The following CACNA1B variants were observed in gnomAD, a reference collection of about 807,000 sequenced individuals.
The protein encoded by CACNA1B is calcium voltage-gated channel subunit alpha1 B.
Under a neutral mutation model 247.2 loss-of-function variants are expected in CACNA1B, and 70 were observed. The observed-to-expected ratio is 0.28, with a 90% CI of 0.23 to 0.35. The LOEUF is 0.35. Among genes scored for constraint, CACNA1B ranks in the 10% least tolerant of loss-of-function variants. The pLI is 1.00. For missense variants in CACNA1B, 2,367 were observed against 3,197.4 expected (o/e 0.74, Z 6.26); for synonymous variants, 1,231 against 1,294.4 (o/e 0.95, Z 1.05).
Position 137,943,050 on chromosome 9 carries a change from C to CTT in CACNA1B, c.967-9208_967-9207dup, listed in dbSNP as rs58509237. Among the ~76,000 whole-genome samples, 486 of 136,082 alleles carry CTT rather than the reference C, an allele frequency of 3.6e-3. 5 individuals are homozygous for CTT. Among genetic ancestry groups the CTT allele is most frequent in the African/African-American group, 0.011 (402 of 36,896 alleles). The allele number at this position is 136,082 out of a possible 152,430, so 89.3% of individuals were successfully genotyped here. On this transcript the variant is annotated intron_variant, in intron 6 of 46. Transcript: ENST00000371372. ...GTGTGGGGAGTCTTTGAGTTTCAAA[C>CTT]TTTTTTTTTTTTTTTTTGAGTTTCA...
rs752017287 is a variant in CACNA1B, at chr9:138,025,126, C to T, written c.3240C>T (p.Ile1080=). ...CAGACCCGAACACTATTGTACATAT[C>T]CCAGTGATGCTGACGGGCCCTCTTG... The part of the protein sequence containing the change: ...QPPDPNTIVH[I]PVMLTGPLGE... The change falls in exon 20 of 47, where the codon ATC becomes ATT. Residue 1080 remains isoleucine (I), a synonymous_variant. Transcript: ENST00000371372. 2.2e-5 allele frequency: 36 copies of T among 1,613,168 alleles called. No individual in the cohort carries two copies. Among genetic ancestry groups the T allele is most frequent in the Non-Finnish European group, 3.0e-5 (35 of 1,179,602 alleles).
intron 20 of CACNA1B, among the ~76,000 whole-genome samples, chr9:138,039,191 G>A (rs1348903068): frequency 6.6e-6 from 1 of 150,436 alleles, no homozygotes; most frequent in East Asian, 1.9e-4. Context: ...GCAAGACTCC[G>A]TCTCAAAAAA....
At chr9:137,940,087 A>T (rs1479356613) in intron 6 of CACNA1B, among the ~76,000 whole-genome samples, 1 of 152,114 alleles carries the variant, frequency 6.6e-6, no homozygotes, top group Non-Finnish European at 1.5e-5. Flanking sequence ...GCAGAACTAA[A>T]TGAAACTTAA....
chr9:137,900,787 G>T (rs1304972660), intron 3 of CACNA1B, among the ~76,000 whole-genome samples: 1 of 147,158 alleles, frequency 6.8e-6, no homozygotes, highest in Non-Finnish European at 1.5e-5. Context: ...CTGTGTCCTT[G>T]TGTCTGTGTG....
chr9:138,089,672 C>T lies in CACNA1B; in HGVS notation c.5095-6812C>T, dbSNP rs552356180. On this transcript the variant is annotated intron_variant, in intron 36 of 46. Transcript: ENST00000371372. Reference sequence around the variant, plus strand: ...CAGTTATGTAAGAAAAAAAATAAGCCGCATCCAAACTGGAAAGAAGGAAGT... The same window carrying T: ...CAGTTATGTAAGAAAAAAAATAAGCTGCATCCAAACTGGAAAGAAGGAAGT... Among the ~76,000 whole-genome samples, 13 of 152,164 alleles carry T rather than the reference C, an allele frequency of 8.5e-5. No homozygotes were observed. In the South Asian group the frequency reaches 1.7e-3, roughly 19 times the overall value.
chr9:137,949,219 TGA>T (rs1297826753), intron 6 of CACNA1B, among the ~76,000 whole-genome samples: 17 of 149,524 alleles, frequency 1.1e-4, no homozygotes, highest in East Asian at 2.0e-4. Flanking sequence ...ATGTGTGGTG[TGA>T]GTGTGTGTGT....
Position 138,124,522 on chromosome 9 carries a change from C to G in CACNA1B, c.*2523C>G, listed in dbSNP as rs202199199. On this transcript the variant is annotated 3_prime_UTR_variant, in exon 47 of 47. Transcript: ENST00000371372. ...TTGCTGCCTGAGTCATATTTATCAG[C>G]CAAACTTTGGATTCTGCTGTTGTTT... The G allele has an allele frequency of 1.3e-5, 2 of 151,968 alleles. No homozygotes were observed. Among genetic ancestry groups the G allele is most frequent in the Admixed American group, 6.5e-5 (1 of 15,272 alleles). 9.4% of individuals were successfully genotyped at this position (151,968 alleles called of 1,614,324 possible).
Position 137,976,030 on chromosome 9 carries a change from G to A in CACNA1B, c.1656+11G>A, listed in dbSNP as rs758760782. On this transcript the variant is annotated intron_variant, in intron 12 of 46. Coordinates refer to ENST00000371372, the MANE Select transcript of CACNA1B (RefSeq NM_000718.4). Reference sequence around the variant, plus strand: ...TGCTTCGACTTTGGGGTGAGTGAGAGGCCTGATCAGGGGCCCAGGCTGTAT... The same window carrying A: ...TGCTTCGACTTTGGGGTGAGTGAGAAGCCTGATCAGGGGCCCAGGCTGTAT... 1.4e-6 allele frequency: 2 copies of A among 1,480,844 alleles called. No homozygotes were observed. Among genetic ancestry groups the A allele is most frequent in the Non-Finnish European group, 1.9e-6 (2 of 1,059,256 alleles). The allele number at this position is 1,480,844 out of a possible 1,614,324, so 91.7% of individuals were successfully genotyped here.
intron 3 of CACNA1B, chr9:137,892,455 G>A (rs562476543): frequency 1.3e-4 from 54 of 423,190 alleles, no homozygotes; most frequent in African/African-American, 7.3e-4. Context: ...TCGTGAAATG[G>A]TTAGATGGTT....
intron 20 of CACNA1B, among the ~76,000 whole-genome samples, chr9:138,031,605 A>T (rs991385506): frequency 6.6e-6 from 1 of 152,232 alleles, no homozygotes; most frequent in Non-Finnish European, 1.5e-5. Flanking sequence ...AAGGATATTC[A>T]GTCTCCAGCT....
chr9:138,068,368 C>A (rs1199325455), intron 31 of CACNA1B, among the ~76,000 whole-genome samples: 2 of 152,130 alleles, frequency 1.3e-5, no homozygotes, highest in Non-Finnish European at 2.9e-5. Flanking sequence ...TATGCGTAAT[C>A]TTTTATGTGA....
intron 36 of CACNA1B, among the ~76,000 whole-genome samples, chr9:138,081,311 G>T (rs995666380): frequency 6.6e-6 from 1 of 152,238 alleles, no homozygotes; most frequent in Non-Finnish European, 1.5e-5. Context: ...CGTGGCCACT[G>T]TCCTTTGTTC....
rs1440887333 is a variant in CACNA1B, at chr9:137,954,879, T to TGTGTGTGTGTGTGTGTGTGTGTGTGAGA, written c.1071-818_1071-817insTGTGTGTGTGTGTGTGTGTGTGTGAGAG. Among the ~76,000 whole-genome samples the TGTGTGTGTGTGTGTGTGTGTGTGTGAGA allele has an allele frequency of 1.2e-4, 18 of 145,278 alleles. No homozygotes were observed. The highest frequency in any genetic ancestry group is 4.1e-4 in the African/African-American group (16 of 38,724). On this transcript the variant is annotated intron_variant, in intron 7 of 46. Coordinates refer to ENST00000371372, the MANE Select transcript of CACNA1B (RefSeq NM_000718.4). The surrounding 1 kb of genome is among the most constrained non-coding windows in gnomAD (Gnocchi z 4.1). ...GCTTGTGTGTGTGTGTGTGTGTGTG[T>TGTGTGTGTGTGTGTGTGTGTGTGTGAGA]GAGAGAGAGAGAGAGAGAGAGAGGG...
rs752893874 is a variant in CACNA1B at position 138,025,063 on chromosome 9, C to A, written c.3177C>A (p.Asp1059Glu). The A allele has an allele frequency of 1.9e-6, 3 of 1,612,306 alleles. No homozygotes were observed. The highest frequency in any genetic ancestry group is 2.7e-5 in the African/African-American group (2 of 74,924). ...QKVEEQPEDA[D>E]NQRNVTRMGS... ...TGGAGGAACAGCCAGAGGATGCAGA[C>A]AATCAGCGGAACGTCACTCGCATGG... Residue 1059 changes from aspartate (D) to glutamate (E), a missense_variant, in exon 20 of 47, where the codon GAC becomes GAA. By Grantham distance (45) the Asp-to-Glu change is conservative. Around this residue, in one of 12 missense-constraint regions of CACNA1B, gnomAD observed 631 missense variants for 631.1 expected, o/e 1.00. Coordinates refer to ENST00000371372, the MANE Select transcript of CACNA1B (RefSeq NM_000718.4).
In CACNA1B at chr9:137,919,413, G is replaced by A. The variant is rs993762064; in HGVS notation, c.966+1982G>A. On this transcript the variant is annotated intron_variant, in intron 6 of 46. Transcript: ENST00000371372. The surrounding 1 kb of genome is among the most constrained non-coding windows in gnomAD (Gnocchi z 4.6). The stretch of plus-strand genomic sequence containing the variant: ...GACATGCAGATGCTACAACACCTTG[G>A]AAGCTTGGCCGGGGCAGCAAGATGC... 6.6e-6 allele frequency among the ~76,000 whole-genome samples: 1 copy of A among 152,236 alleles called. No homozygotes were observed. The highest frequency in any genetic ancestry group is 1.5e-5 in the Non-Finnish European group (1 of 68,044).
intron 43 of CACNA1B, 90 bp from the exon 44 acceptor site, chr9:138,118,562 C>T: frequency 1.5e-6 from 1 of 660,078 alleles, no homozygotes; most frequent in Non-Finnish European, 2.7e-6. Context: ...TTGGGTGAGA[C>T]CCCAGTGCCT....
chr9:138,031,333 C>T (rs1661961575), intron 20 of CACNA1B, among the ~76,000 whole-genome samples: 1 of 152,128 alleles, frequency 6.6e-6, no homozygotes, highest in African/African-American at 2.4e-5. Flanking sequence ...GCCTATTTCT[C>T]TGTTATTAAC....
chr9:137,971,312 TG>T lies in CACNA1B; in HGVS notation c.1334-66del. On this transcript the variant is annotated intron_variant, in intron 10 of 46. Coordinates refer to ENST00000371372, the MANE Select transcript of CACNA1B (RefSeq NM_000718.4). The surrounding 1 kb of genome is among the most constrained non-coding windows in gnomAD (Gnocchi z 4.4). The stretch of plus-strand genomic sequence containing the variant: ...GCAGGTGTCCTCCAGAGTGCGTCTG[TG>T]GGGGTCCACAGGTGGGGTAGGCGGG... 8.9e-7 allele frequency: 1 copy of T among 1,124,058 alleles called. No individual in the cohort carries two copies. Among genetic ancestry groups the T allele is most frequent in the Non-Finnish European group, 1.3e-6 (1 of 764,606 alleles). The allele number at this position is 1,124,058 out of a possible 1,614,324, so 69.6% of individuals were successfully genotyped here. A position where few individuals can be genotyped will look rare whatever the true frequency, so the allele number is the denominator to read the frequency against.
intron 20 of CACNA1B, among the ~76,000 whole-genome samples, chr9:138,036,142 T>A (rs1777981104): frequency 1.3e-5 from 2 of 150,074 alleles, no homozygotes; most frequent in South Asian, 4.2e-4. Context: ...CTTTCCTAAT[T>A]TTTTTTTTTG....
Sources: allele counts gnomAD v4.1 joint callset (sites outside exome capture counted in the v4.1 genomes callset), GRCh38; gene constraint gnomAD v4.1.1; regional missense constraint gnomAD v4.1.1; non-coding constraint Gnocchi (gnomAD v3.1); transcripts MANE v1.5; gene names NCBI Gene and HGNC (gene_info 2026-07-23, HGNC 2026-07-21).